The following CADM2 variants were observed in gnomAD, a reference collection of about 807,000 sequenced individuals.
CADM2 encodes the protein immunoglobulin superfamily member 4D.
Under a neutral mutation model 49.8 loss-of-function variants are expected in CADM2, and 12 were observed. The ratio of observed to expected loss-of-function variants is 0.24; its 90% confidence interval spans 0.15 to 0.39. The LOEUF (loss-of-function observed/expected upper bound fraction) is 0.39. Among genes scored for constraint, CADM2 ranks in the 10% least tolerant of loss-of-function variants. The probability of loss-of-function intolerance (pLI) is 1.00; values close to 1 mark genes in which losing one functional copy is unlikely to be tolerated. For synonymous variants in CADM2, 214 were observed against 175.4 expected, an observed-to-expected ratio of 1.22 and a Z score of -1.74; for missense variants, 378 against 492.3, an observed-to-expected ratio of 0.77 and a Z score of 2.20.
intron 3 of CADM2, among the ~76,000 whole-genome samples, chr3:85,855,892 C>A (rs2075300240): frequency 6.6e-6 from 1 of 151,996 alleles, no homozygotes; most frequent in African/African-American, 2.4e-5. Context: ...TCCGAAAGTG[C>A]TGGGATTACA....
intron 1 of CADM2, among the ~76,000 whole-genome samples, chr3:85,267,498 A>G (rs12638015): frequency 0.41 from 62,119 of 151,540 alleles, 14,478 homozygotes; most frequent in Admixed American, 0.56. Flanking sequence ...TAAGATTGCC[A>G]TATTTATTTA....
intron 1 of CADM2, among the ~76,000 whole-genome samples, chr3:85,133,912 G>A (rs1207343396): frequency 6.6e-6 from 1 of 152,214 alleles, no homozygotes; most frequent in African/African-American, 2.4e-5. Context: ...GGAGCAGGGG[G>A]CGGCGCTCGT....
intron 1 of CADM2, among the ~76,000 whole-genome samples, chr3:85,672,395 T>C (rs977366488): frequency 3.9e-5 from 6 of 152,004 alleles, no homozygotes; most frequent in Admixed American, 3.9e-4. Context: ...GGTTTCACCG[T>C]GTTAACCGGG....
In CADM2 at chr3:85,253,080, T is replaced by C. The variant is rs555083428; in HGVS notation, c.61+293412T>C. On this transcript the variant is annotated intron_variant, in intron 1 of 9. Transcript: ENST00000383699. The stretch of plus-strand genomic sequence containing the variant: ...AAACCAAAAGAAACCAAAAGAAATA[T>C]GCTGTAAGTAATGTCAGTCTAAATT... 3.9e-5 allele frequency among the ~76,000 whole-genome samples: 6 copies of C among 152,168 alleles called. No homozygotes were observed. In the East Asian group the frequency reaches 1.2e-3, roughly 29 times the overall value.
chr3:85,592,951 G>A (rs1256373124), intron 1 of CADM2, among the ~76,000 whole-genome samples: 1 of 151,840 alleles, frequency 6.6e-6, no homozygotes, highest in Admixed American at 6.6e-5. Context: ...GAGAACATGT[G>A]TTTAGTTTTC....
At chr3:85,619,028 A>C (rs1453975152) in intron 1 of CADM2, among the ~76,000 whole-genome samples, 1 of 142,458 alleles carries the variant, frequency 7.0e-6, no homozygotes, top group Non-Finnish European at 1.5e-5. Context: ...TGACAGAATG[A>C]GACTCTGTCT....
intron 1 of CADM2, among the ~76,000 whole-genome samples, chr3:85,290,284 T>C (rs1338535345): frequency 6.6e-6 from 1 of 151,502 alleles, no homozygotes; most frequent in Non-Finnish European, 1.5e-5. Flanking sequence ...GCTCGGAGGG[T>C]CCTACGCCCA....
intron 7 of CADM2, among the ~76,000 whole-genome samples, chr3:85,940,338 C>CA (rs149074492): frequency 4.6e-5 from 7 of 151,132 alleles, no homozygotes; most frequent in Non-Finnish European, 1.0e-4. Flanking sequence ...AAACTCCATC[C>CA]AAAAAAAATT....
intron 2 of CADM2, among the ~76,000 whole-genome samples, chr3:85,786,507 T>A (rs2070998004): frequency 6.6e-6 from 1 of 152,108 alleles, no homozygotes; most frequent in Non-Finnish European, 1.5e-5. Context: ...ATGAAATCTT[T>A]GTGCATTCAA....
intron 8 of CADM2, among the ~76,000 whole-genome samples, chr3:86,026,174 CAA>C (rs368949584): frequency 3.3e-5 from 5 of 152,050 alleles, no homozygotes; most frequent in African/African-American, 1.2e-4. Context: ...ATAATAGTTT[CAA>C]AGTCTCACAA....
In CADM2 at chr3:85,935,774, A is replaced by G. The variant is rs749398738; in HGVS notation, c.708A>G (p.Pro236=). The G allele has an allele frequency of 3.8e-6, 6 of 1,574,806 alleles. No individual in the cohort carries two copies. The highest frequency in any genetic ancestry group is 4.5e-5 in the East Asian group (2 of 44,540). The change falls in exon 7 of 10, where the codon CCA becomes CCG. Residue 236 remains proline, a synonymous_variant. Transcript: ENST00000383699. ...AMQVLEIHYT[P]SVKIIPSTPF... Reference sequence around the variant, plus strand: ...ATATTCTTTTATTTCTAGATACACCATCAGTTAAGATTATACCATCGACTC... The same window carrying G: ...ATATTCTTTTATTTCTAGATACACCGTCAGTTAAGATTATACCATCGACTC...
intron 1 of CADM2, among the ~76,000 whole-genome samples, chr3:85,468,357 T>A (rs13070166): frequency 0.28 from 42,339 of 151,534 alleles, 6,533 homozygotes; most frequent in African/African-American, 0.42. Flanking sequence ...TTAGTGTGGG[T>A]GTGTGGAGTG....
intron 2 of CADM2, among the ~76,000 whole-genome samples, chr3:85,771,159 G>A (rs2070065020): frequency 6.6e-6 from 1 of 152,068 alleles, no homozygotes; most frequent in African/African-American, 2.4e-5. Flanking sequence ...ATCTAAATTA[G>A]ACCATAAGTG....
In CADM2 at chr3:85,898,996, C is replaced by T. The variant is rs1233034456; in HGVS notation, c.529+12669C>T. ...TTTTTTTTTTTTTGAGACGGAGTCT[C>T]ACTCTGTCTCCCAGGTTGGAGTGCA... On this transcript the variant is annotated intron_variant, in intron 5 of 9. Coordinates refer to ENST00000383699, the MANE Select transcript of CADM2 (RefSeq NM_001167675.2). 1.7e-4 allele frequency among the ~76,000 whole-genome samples: 13 copies of T among 76,918 alleles called. No individual in the cohort carries two copies. In the South Asian group the frequency reaches 5.3e-3, roughly 31 times the overall value. The allele number at this position is 76,918 out of a possible 152,430, so 50.5% of individuals were successfully genotyped here. A position where few individuals can be genotyped will look rare whatever the true frequency, so the allele number is the denominator to read the frequency against.
At chr3:85,248,320 G>A (rs1340814665) in intron 1 of CADM2, among the ~76,000 whole-genome samples, 2 of 151,888 alleles carry the variant, frequency 1.3e-5, no homozygotes, top group Non-Finnish European at 2.9e-5. Context: ...GGTCGCCCAA[G>A]CTGGAGTGAA....
rs575347801 is a variant in CADM2 at position 85,150,014 on chromosome 3, C to T, written c.61+190346C>T. On this transcript the variant is annotated intron_variant, in intron 1 of 9. Transcript: ENST00000383699. ...TACATGGTCTTTTCTGGTACACCAG[C>T]GTGTATATCCGAGTGAAGGTTAAGG... Among the ~76,000 whole-genome samples, 5 of 152,292 alleles carry T rather than the reference C, an allele frequency of 3.3e-5. No homozygotes were observed. In the South Asian group the frequency reaches 6.2e-4, roughly 19 times the overall value.
intron 1 of CADM2, among the ~76,000 whole-genome samples, chr3:85,490,456 C>T (rs75360475): frequency 0.08 from 12,190 of 151,878 alleles, 941 homozygotes; most frequent in African/African-American, 0.18. Context: ...TGGTGGCTTA[C>T]ACCTATAATA....
intron 1 of CADM2, among the ~76,000 whole-genome samples, chr3:85,693,815 G>C (rs1478682893): frequency 2.7e-5 from 4 of 145,800 alleles, no homozygotes; most frequent in Non-Finnish European, 6.0e-5. Flanking sequence ...GGAATCACTT[G>C]AACCCGGGAG....
chr3:85,768,068 G>T (rs2069755728), intron 2 of CADM2, among the ~76,000 whole-genome samples: 1 of 152,076 alleles, frequency 6.6e-6, no homozygotes, highest in Non-Finnish European at 1.5e-5. Context: ...AGCTTCAATG[G>T]TAATTATTTG....
Sources: gnomAD v4.1 joint callset for allele counts (sites outside exome capture counted in the v4.1 genomes callset) on GRCh38, gnomAD v4.1.1 for gene constraint, MANE v1.5 for transcripts, NCBI Gene and HGNC (gene_info 2026-07-23, HGNC 2026-07-21) for gene names.